The following GTPBP1 variants were observed in gnomAD, a reference collection of about 807,000 sequenced individuals.
The protein encoded by GTPBP1 is GTP binding protein 1.
Under a neutral mutation model 62.0 loss-of-function variants are expected in GTPBP1, and 23 were observed. That is an observed-to-expected ratio of 0.37 (90% confidence interval 0.27 to 0.53). GTPBP1 has a LOEUF of 0.53. Among genes scored for constraint, GTPBP1 ranks in the 20% least tolerant of loss-of-function variants. The pLI, the probability that GTPBP1 is intolerant of heterozygous loss-of-function variation, is 0.89. For missense variants in GTPBP1, 640 were observed against 917.3 expected (o/e 0.70, Z 3.90); for synonymous variants, 344 against 364.4 (o/e 0.94, Z 0.64).
chr22:38,722,371 C>G (rs2092704897), intron 5 of GTPBP1, among the ~76,000 whole-genome samples: 1 of 152,216 alleles, frequency 6.6e-6, no homozygotes, highest in Admixed American at 6.5e-5. Context: ...CAAAGACATT[C>G]AAGATGAAAA....
At chr22:38,740,798 C>T (rs1044638523), downstream of GTPBP1, 15 of 611,194 alleles carry the variant, frequency 2.5e-5, no homozygotes, top group South Asian at 1.2e-4. This position sits in a 1 kb window ranked among gnomAD's most constrained non-coding sequence, Gnocchi z 4.8. Flanking sequence ...GCCTGCCCCC[C>T]GCCCTCAGGA....
In GTPBP1 at chr22:38,716,790, C is replaced by T. The variant is rs1245441399; in HGVS notation, c.624C>T (p.Thr208=). Residue 208 remains threonine (T), a synonymous_variant, in exon 4 of 12, where the codon ACC becomes ACT. Transcript: ENST00000216044. The surrounding 1 kb of genome is among the most constrained non-coding windows in gnomAD (Gnocchi z 5.2). ...RHKHEIESGR[T]SSVGNDILGF... ...AACATGAAATTGAATCTGGTCGCACCAGCAGTGTGGGCAACGACATTCTGG... is the reference window on the plus strand; with the variant it reads ...AACATGAAATTGAATCTGGTCGCACTAGCAGTGTGGGCAACGACATTCTGG... 1.2e-6 allele frequency: 2 copies of T among 1,614,120 alleles called. No individual in the cohort carries two copies. Among genetic ancestry groups the T allele is most frequent in the African/African-American group, 1.3e-5 (1 of 75,006 alleles).
Position 38,716,805 on chromosome 22 carries a change from C to T in GTPBP1, c.639C>T (p.Asn213=), listed in dbSNP as rs371297105. ...IESGRTSSVG[N]DILGFDSEGN... Reference sequence around the variant, plus strand: ...CTGGTCGCACCAGCAGTGTGGGCAACGACATTCTGGGCTTTGACAGTGAAG... The same window carrying T: ...CTGGTCGCACCAGCAGTGTGGGCAATGACATTCTGGGCTTTGACAGTGAAG... Residue 213 remains asparagine, a synonymous_variant, in exon 4 of 12, where the codon AAC becomes AAT. Coordinates refer to ENST00000216044, the MANE Select transcript of GTPBP1 (RefSeq NM_004286.5). The surrounding 1 kb of genome is among the most constrained non-coding windows in gnomAD (Gnocchi z 5.2). 67 of 1,614,060 alleles carry T rather than the reference C, an allele frequency of 4.2e-5. No homozygotes were observed. In the East Asian group the frequency reaches 9.8e-4, roughly 24 times the overall value.
intron 5 of GTPBP1, among the ~76,000 whole-genome samples, chr22:38,722,243 A>G (rs1603189891): frequency 6.6e-6 from 1 of 152,364 alleles, no homozygotes; most frequent in Admixed American, 6.5e-5. Context: ...CCACTTTTTA[A>G]AATAATATTC....
chr22:38,715,776 G>GA, intron 2 of GTPBP1, 131 bp from the exon 3 acceptor site: 1 of 686,664 alleles, frequency 1.5e-6, no homozygotes, highest in Non-Finnish European at 2.5e-6. Context: ...AGGTAGAGAG[G>GA]ACCCCTGTTC....
At chr22:38,718,420 A>G (rs1331244901) in intron 4 of GTPBP1, among the ~76,000 whole-genome samples, 2 of 152,242 alleles carry the variant, frequency 1.3e-5, no homozygotes, top group African/African-American at 2.4e-5. Context: ...GTAGAAAACA[A>G]TGAAATATTT....
chr22:38,738,359 G>A (rs1200320411), downstream of GTPBP1: 3 of 1,211,066 alleles, frequency 2.5e-6, no homozygotes, highest in African/African-American at 1.5e-5. The surrounding 1 kb of genome is among the most constrained non-coding windows in gnomAD (Gnocchi z 6.6). Context: ...AGCAGGTCAG[G>A]CACCAGAGTG....
intron 5 of GTPBP1, chr22:38,723,037 G>A (rs951145939): frequency 1.0e-5 from 8 of 794,514 alleles, no homozygotes; most frequent in South Asian, 1.4e-5. Flanking sequence ...AGAGTGGGAT[G>A]TTCATGTGGT....
downstream of GTPBP1, chr22:38,738,067 G>C (rs759056105): frequency 9.1e-6 from 9 of 991,048 alleles, no homozygotes; most frequent in Admixed American, 1.7e-5. This position sits in a 1 kb window ranked among gnomAD's most constrained non-coding sequence, Gnocchi z 6.6. Flanking sequence ...GGAGAGCAGG[G>C]CTTCCCTCTC....
At chr22:38,729,373 T>C in intron 10 of GTPBP1, 89 bp from the exon 11 acceptor site, 2 of 939,854 alleles carry the variant, frequency 2.1e-6, no homozygotes, top group South Asian at 3.5e-5. Context: ...GAGGAGTCTG[T>C]GGGAGAAGGG....
At chr22:38,723,127 GT>G (rs756807574) in intron 5 of GTPBP1, 54 of 786,080 alleles carry the variant, frequency 6.9e-5, no homozygotes, top group Non-Finnish European at 1.1e-4. Context: ...CAACTTCACA[GT>G]TCACATCATG....
chr22:38,730,687 C>T lies in GTPBP1; in HGVS notation c.1993C>T (p.Pro665Ser), dbSNP rs768144862. Reference protein sequence around the residue: ...KVKSQGACVTPASGC With the variant: ...KVKSQGACVTSASGC ...GAAGTCCCAGGGGGCCTGTGTGACT[C>T]CTGCCAGCGGCTGCTGAACCTTCCC... Residue 665 changes from proline (P) to serine (S), a missense_variant, in exon 12 of 12, where the codon CCT becomes TCT. Coordinates refer to ENST00000216044, the MANE Select transcript of GTPBP1 (RefSeq NM_004286.5). The surrounding 1 kb of genome is among the most constrained non-coding windows in gnomAD (Gnocchi z 5.6). 1 of 1,595,634 alleles carries T rather than the reference C, an allele frequency of 6.3e-7. No homozygotes were observed.
chr22:38,728,410 C>T (rs1026785963), intron 10 of GTPBP1: 3 of 488,932 alleles, frequency 6.1e-6, no homozygotes, highest in Admixed American at 3.2e-5. Context: ...AAACTGGTGA[C>T]AGAATGTCTG....
At position 38,732,445 on chromosome 22, in the gene GTPBP1, T is replaced by A. The variant is rs2092766028; in HGVS notation, c.*1741T>A. The A allele has an allele frequency of 6.6e-6, 1 of 152,258 alleles. No individual in the cohort carries two copies. The highest frequency in any genetic ancestry group is 2.4e-5 in the African/African-American group (1 of 41,450). The allele number at this position is 152,258 out of a possible 1,614,324, so 9.4% of individuals were successfully genotyped here. A position where few individuals can be genotyped will look rare whatever the true frequency, so the allele number is the denominator to read the frequency against. ...ACGGGACAAGCTTACAAACCTTCTC[T>A]GAACCTCAGTTTTCTCATTTACAAG... On this transcript the variant is annotated 3_prime_UTR_variant, in exon 12 of 12. Coordinates refer to ENST00000216044, the MANE Select transcript of GTPBP1 (RefSeq NM_004286.5).
At chr22:38,735,387 A>G (rs550121266), downstream of GTPBP1, 16 of 369,002 alleles carry the variant, frequency 4.3e-5, no homozygotes, top group Non-Finnish European at 7.5e-5. Flanking sequence ...CAGGAGTTCC[A>G]TGCTCCCCAC....
In GTPBP1 at chr22:38,732,677, CT is replaced by C. The variant is rs952051793; in HGVS notation, c.*1974del. On this transcript the variant is annotated 3_prime_UTR_variant, in exon 12 of 12. Transcript: ENST00000216044. ...CTGTTGACATTCCCAGCAGCCGCCC[CT>C]GAGGTCGATGTTTGTTCTGTTTTTC... 1.4e-4 allele frequency: 21 copies of C among 152,480 alleles called. No homozygotes were observed. The highest frequency in any genetic ancestry group is 5.1e-4 in the African/African-American group (21 of 41,574). The allele number at this position is 152,480 out of a possible 1,614,324, so 9.4% of individuals were successfully genotyped here. A position where few individuals can be genotyped will look rare whatever the true frequency, so the allele number is the denominator to read the frequency against.
downstream of GTPBP1, chr22:38,740,292 T>A: frequency 6.2e-7 from 1 of 1,602,072 alleles, no homozygotes; most frequent in East Asian, 2.2e-5. The surrounding 1 kb of genome is among the most constrained non-coding windows in gnomAD (Gnocchi z 4.8). Flanking sequence ...CTGGATCTGC[T>A]GGGGCAGCAG....
At chr22:38,711,393 T>C (rs2092638464) in intron 2 of GTPBP1, among the ~76,000 whole-genome samples, 2 of 152,206 alleles carry the variant, frequency 1.3e-5, no homozygotes, top group Admixed American at 1.3e-4. Context: ...TGTCTTAAAA[T>C]GGGGATAATA....
intron 2 of GTPBP1, among the ~76,000 whole-genome samples, chr22:38,713,373 C>T (rs2092651047): frequency 6.6e-6 from 1 of 151,970 alleles, no homozygotes; most frequent in South Asian, 2.1e-4. Flanking sequence ...TTATTTAGGA[C>T]CTTAAGGGGT....
Sources: allele counts gnomAD v4.1 joint callset (sites outside exome capture counted in the v4.1 genomes callset), GRCh38; gene constraint gnomAD v4.1.1; non-coding constraint Gnocchi (gnomAD v3.1); transcripts MANE v1.5; gene names NCBI Gene and HGNC (gene_info 2026-07-23, HGNC 2026-07-21).